Variants in ATP9B observed in about 807,000 individuals in gnomAD.
ATP9B encodes the protein probable phospholipid-transporting ATPase IIB.
ATP9B carries 110 observed loss-of-function variants against 146.1 expected under a neutral mutation model. The ratio of observed to expected loss-of-function variants is 0.75; its 90% CI spans 0.65 to 0.88. ATP9B has a LOEUF of 0.88. Among genes scored for constraint, ATP9B ranks in the 40% least tolerant of loss-of-function variants. The pLI is 0.00. For missense variants in ATP9B, 1,499 were observed against 1,496.4 expected (o/e 1.00, Z -0.03); for synonymous variants, 604 against 569.7 (o/e 1.06, Z -0.86).
chr18:79,242,414 A>T (rs2095898468), intron 11 of ATP9B, among the ~76,000 whole-genome samples: 1 of 152,252 alleles, frequency 6.6e-6, no homozygotes, highest in Non-Finnish European at 1.5e-5. Flanking sequence ...AAAGATGTGT[A>T]TATCAAATAG....
In ATP9B at chr18:79,096,653, T is replaced by G. The variant is rs369775435; in HGVS notation, c.293+4T>G. 2 of 1,603,876 alleles carry G rather than the reference T, an allele frequency of 1.2e-6. No homozygotes were observed. Reference sequence around the variant, plus strand: ...GCTGGAAGTTCCTCTGTACCAGGTTTGTTATCCATTGCTACCTAATTTCCT... The same window carrying G: ...GCTGGAAGTTCCTCTGTACCAGGTTGGTTATCCATTGCTACCTAATTTCCT... On this transcript the variant is annotated splice_donor_region_variant and intron_variant, in intron 2 of 29. Transcript: ENST00000426216.
chr18:79,264,423 C>G (rs889768630), intron 12 of ATP9B, among the ~76,000 whole-genome samples: 2 of 152,280 alleles, frequency 1.3e-5, no homozygotes, highest in African/African-American at 4.8e-5. Context: ...GATGCCAAGG[C>G]TTTCTCGGCT....
intron 23 of ATP9B, 55 bp downstream of exon 23, chr18:79,345,894 A>G: frequency 6.3e-7 from 1 of 1,590,938 alleles, no homozygotes; most frequent in South Asian, 1.1e-5. Context: ...CATCAACACG[A>G]CTCAGCACAT....
intron 15 of ATP9B, among the ~76,000 whole-genome samples, chr18:79,320,553 C>G (rs1031939660): frequency 6.6e-6 from 1 of 152,234 alleles, no homozygotes; most frequent in African/African-American, 2.4e-5. Flanking sequence ...TAGCTGCCGT[C>G]AGTCTCCATA....
At chr18:79,080,271 T>C (rs955408240) in intron 1 of ATP9B, among the ~76,000 whole-genome samples, 1 of 152,238 alleles carries the variant, frequency 6.6e-6, no homozygotes, top group South Asian at 2.1e-4. Context: ...TTCCTATCCA[T>C]GAGCATGGAA....
intron 11 of ATP9B, among the ~76,000 whole-genome samples, chr18:79,237,198 G>A (rs1394040237): frequency 9.8e-6 from 1 of 102,266 alleles, no homozygotes; most frequent in Non-Finnish European, 1.9e-5. Flanking sequence ...CCGTGCACGA[G>A]TCAGTGTCCA....
In ATP9B at chr18:79,237,569, CTT is replaced by C. The variant is rs375478088; in HGVS notation, c.1108-15809_1108-15808del. Among the ~76,000 whole-genome samples, 366 of 151,700 alleles carry C rather than the reference CTT, an allele frequency of 2.4e-3. 2 individuals carry two copies. The highest frequency in any genetic ancestry group is 6.4e-3 in the South Asian group (31 of 4,808). On this transcript the variant is annotated intron_variant, in intron 11 of 29. Transcript: ENST00000426216. ...ATAATTAATTTTTATAATATTAAGTCTTTTAGTCAACGAATATTGTGTATTCC... is the reference window on the plus strand; with the variant it reads ...ATAATTAATTTTTATAATATTAAGTCTTAGTCAACGAATATTGTGTATTCC...
At chr18:79,206,690 T>A (rs1323786538) in intron 9 of ATP9B, among the ~76,000 whole-genome samples, 1 of 151,644 alleles carries the variant, frequency 6.6e-6, no homozygotes, top group Non-Finnish European at 1.5e-5. Flanking sequence ...TTCATGAAAA[T>A]TTAGAATTAT....
chr18:79,353,612 A>G (rs1348447108), intron 25 of ATP9B: 2 of 152,126 alleles, frequency 1.3e-5, no homozygotes, highest in African/African-American at 4.8e-5. Context: ...CCTGCGGGGA[A>G]CAGCCATTTA....
intron 4 of ATP9B, among the ~76,000 whole-genome samples, chr18:79,120,578 A>G (rs546131424): frequency 5.3e-5 from 8 of 152,340 alleles, no homozygotes; most frequent in African/African-American, 1.7e-4. Context: ...GTCTGGATGA[A>G]GATTACTTTT....
intron 26 of ATP9B, among the ~76,000 whole-genome samples, chr18:79,365,325 G>A (rs1338574167): frequency 2.6e-5 from 4 of 152,106 alleles, no homozygotes; most frequent in Non-Finnish European, 4.4e-5. Flanking sequence ...ACCCACCCGT[G>A]CTAGAACAGC....
intron 11 of ATP9B, among the ~76,000 whole-genome samples, chr18:79,237,014 A>G (rs1418165867): frequency 3.9e-5 from 2 of 51,534 alleles, no homozygotes; most frequent in African/African-American, 1.2e-4. Flanking sequence ...CCCACTGTGT[A>G]CACGGTCCGT....
intron 9 of ATP9B, among the ~76,000 whole-genome samples, chr18:79,206,379 A>G (rs916549663): frequency 1.3e-5 from 2 of 152,220 alleles, no homozygotes; most frequent in Non-Finnish European, 2.9e-5. Context: ...TGTCCTTCAC[A>G]AGAGATAGAG....
intron 13 of ATP9B, among the ~76,000 whole-genome samples, chr18:79,295,193 T>G (rs2096539231): frequency 2.0e-5 from 3 of 152,098 alleles, no homozygotes; most frequent in Admixed American, 2.0e-4. Context: ...TGAAATGGTA[T>G]TATTACCAGG....
chr18:79,360,205 A>T (rs1035408558), intron 26 of ATP9B: 4 of 152,242 alleles, frequency 2.6e-5, no homozygotes, highest in Non-Finnish European at 5.9e-5. Flanking sequence ...AAATCATGGT[A>T]ACTCTGGTAT....
chr18:79,097,466 T>G (rs1315699739), intron 2 of ATP9B, among the ~76,000 whole-genome samples: 4 of 151,424 alleles, frequency 2.6e-5, no homozygotes, highest in Non-Finnish European at 5.9e-5. Flanking sequence ...GTATTTTCTT[T>G]TTTTTTAATT....
rs771562243 is a variant in ATP9B at position 79,347,873 on chromosome 18, C to T, written c.2786C>T (p.Ala929Val). The T allele has an allele frequency of 1.9e-6, 3 of 1,613,792 alleles. No individual in the cohort carries two copies. Among genetic ancestry groups the T allele is most frequent in the Non-Finnish European group, 2.5e-6 (3 of 1,179,874 alleles). ...GGGCGGAACAGCTACAAGAGGTCGG[C>T]GGCACTCGGCCAGTTCGTCATGCAC... ...VHGRNSYKRS[A>V]ALGQFVMHRG... Residue 929 changes from alanine (A) to valine (V), a missense_variant, in exon 24 of 30, where the codon GCG becomes GTG. Physicochemically the swap from Ala to Val is moderately conservative, Grantham distance 64 (BLOSUM62 0). Coordinates refer to ENST00000426216, the MANE Select transcript of ATP9B (RefSeq NM_198531.5).
intron 11 of ATP9B, among the ~76,000 whole-genome samples, chr18:79,215,906 T>C (rs979195351): frequency 1.3e-5 from 2 of 152,098 alleles, no homozygotes; most frequent in Non-Finnish European, 2.9e-5. Context: ...GCCAGGCTGG[T>C]TTCAAACTCC....
intron 1 of ATP9B, among the ~76,000 whole-genome samples, chr18:79,089,538 G>C (rs1039960855): frequency 6.6e-6 from 1 of 152,104 alleles, no homozygotes; most frequent in Non-Finnish European, 1.5e-5. Context: ...TTTTCCTCCA[G>C]ATGTCACTAC....
Sources: allele counts gnomAD v4.1 joint callset (sites outside exome capture counted in the v4.1 genomes callset), GRCh38; gene constraint gnomAD v4.1.1; transcripts MANE v1.5; gene names NCBI Gene and HGNC (gene_info 2026-07-23, HGNC 2026-07-21).